Variants in GPBP1 observed in about 807,000 individuals in gnomAD.
GPBP1 encodes GC-rich promoter binding protein 1.
Under a neutral mutation model 56.5 loss-of-function variants are expected in GPBP1, and 13 were observed. The observed-to-expected ratio is 0.23, with a 90% CI of 0.15 to 0.37. GPBP1 has a LOEUF of 0.37. GPBP1 is among the 10% of genes least tolerant of loss of function. The probability of loss-of-function intolerance (pLI) is 1.00; values close to 1 mark genes in which losing one functional copy is unlikely to be tolerated. For synonymous variants in GPBP1, 204 were observed against 188.9 expected (o/e 1.08, Z -0.66); for missense variants, 477 against 572.3 (o/e 0.83, Z 1.70).
chr5:57,230,755 AT>A, intron 3 of GPBP1, 90 bp from the exon 4 acceptor site: 1 of 1,112,984 alleles, frequency 9.0e-7, no homozygotes, highest in Non-Finnish European at 1.3e-6. Context: ...ATCATTTAAA[AT>A]TTTTGGAAAT....
At chr5:57,245,343 A>G (rs1580068966) in intron 6 of GPBP1, 2 of 152,298 alleles carry the variant, frequency 1.3e-5, no homozygotes, top group South Asian at 2.1e-4. Context: ...GAATCCTCCC[A>G]TGAACTGGAG....
intron 5 of GPBP1, among the ~76,000 whole-genome samples, chr5:57,232,026 GGGT>G (rs1283445154): frequency 2.0e-5 from 3 of 152,068 alleles, no homozygotes; most frequent in African/African-American, 7.2e-5. Flanking sequence ...TCAGGGTGGG[GGGT>G]GGTGGTGGAA....
rs543462522 is a variant in GPBP1, at chr5:57,206,253, T to C, written c.-57-7821T>C. Among the ~76,000 whole-genome samples the C allele has an allele frequency of 2.0e-5, 3 of 152,316 alleles. No individual in the cohort carries two copies. In the South Asian group the frequency reaches 6.2e-4, roughly 32 times the overall value. On this transcript the variant is annotated intron_variant, in intron 2 of 11. Transcript: ENST00000506184. ...TCATGAAGTTCAGTTTTTGTTTTCTTTTTTTAATTGTTACTCTTGGTTTTG... is the reference window on the plus strand; with the variant it reads ...TCATGAAGTTCAGTTTTTGTTTTCTCTTTTTAATTGTTACTCTTGGTTTTG...
At chr5:57,219,391 A>C (rs1027055895) in intron 3 of GPBP1, among the ~76,000 whole-genome samples, 7 of 64,398 alleles carry the variant, frequency 1.1e-4, no homozygotes, top group African/African-American at 2.3e-4. Flanking sequence ...AAAAAAAAAA[A>C]AAAAAAAAAA....
intron 11 of GPBP1, 69 bp from the exon 12 acceptor site, chr5:57,262,525 G>A: frequency 8.5e-7 from 1 of 1,173,416 alleles, no homozygotes; most frequent in Non-Finnish European, 1.2e-6. Flanking sequence ...TTATATTCAT[G>A]CTTATATTAT....
intron 10 of GPBP1, among the ~76,000 whole-genome samples, chr5:57,255,860 G>A (rs879362837): frequency 6.6e-6 from 1 of 152,156 alleles, no homozygotes; most frequent in Non-Finnish European, 1.5e-5. Context: ...GAAGACTTGT[G>A]GAAGAGAGAC....
At chr5:57,200,368 T>C (rs1262004285) in intron 2 of GPBP1, among the ~76,000 whole-genome samples, 2 of 138,542 alleles carry the variant, frequency 1.4e-5, no homozygotes, top group Non-Finnish European at 3.1e-5. Context: ...GAATTTTTTT[T>C]TTTTTTTTTT....
intron 3 of GPBP1, among the ~76,000 whole-genome samples, chr5:57,219,107 G>C (rs1755817633): frequency 6.6e-6 from 1 of 152,032 alleles, no homozygotes; most frequent in Admixed American, 6.6e-5. Flanking sequence ...CGGGCGTGGT[G>C]ACTCACGTCT....
At chr5:57,178,641 C>T (rs1186002294) in intron 2 of GPBP1, among the ~76,000 whole-genome samples, 1 of 152,202 alleles carries the variant, frequency 6.6e-6, no homozygotes, top group Non-Finnish European at 1.5e-5. Flanking sequence ...TAGCAATTAA[C>T]TTTAATCTGT....
At chr5:57,224,695 G>A (rs986228326) in intron 3 of GPBP1, among the ~76,000 whole-genome samples, 2 of 152,088 alleles carry the variant, frequency 1.3e-5, no homozygotes, top group Admixed American at 6.6e-5. Flanking sequence ...GATTATAGGC[G>A]TGAGCCACTG....
intron 3 of GPBP1, among the ~76,000 whole-genome samples, chr5:57,216,676 ACT>A (rs894248003): frequency 2.0e-5 from 3 of 152,106 alleles, no homozygotes; most frequent in African/African-American, 2.4e-5. Flanking sequence ...AAGGAGTGAG[ACT>A]CTGTCTCAAA....
intron 2 of GPBP1, among the ~76,000 whole-genome samples, chr5:57,207,109 A>G (rs1419850609): frequency 6.6e-6 from 1 of 152,130 alleles, no homozygotes; most frequent in Non-Finnish European, 1.5e-5. Context: ...GTCTCGAAAA[A>G]TAATCAAAAT....
At chr5:57,177,900 C>T (rs1753864147) in intron 2 of GPBP1, among the ~76,000 whole-genome samples, 1 of 151,828 alleles carries the variant, frequency 6.6e-6, no homozygotes, top group South Asian at 2.1e-4. Context: ...ACTGTTGAAT[C>T]CTGCTAGCTC....
In GPBP1 at chr5:57,202,616, T is replaced by G. The variant is rs375451050; in HGVS notation, c.-57-11458T>G. On this transcript the variant is annotated intron_variant, in intron 2 of 11. Coordinates refer to ENST00000506184, the MANE Select transcript of GPBP1 (RefSeq NM_022913.4). ...ATTTTTTTTTTAAAAAGCTTATCTA[T>G]CATTTGAACCCTCGAAGTGATGACA... Among the ~76,000 whole-genome samples, 21 of 152,160 alleles carry G rather than the reference T, an allele frequency of 1.4e-4. 1 individual carries two copies. The highest frequency in any genetic ancestry group is 5.1e-4 in the African/African-American group (21 of 41,502).
chr5:57,187,003 AGTGTGTGTGTGTGTGTGT>A (rs66642664), intron 2 of GPBP1, among the ~76,000 whole-genome samples: 348 of 146,784 alleles, frequency 2.4e-3, no homozygotes, highest in African/African-American at 8.3e-3. Context: ...GACTCAGAGA[AGTGTGTGTGTGTGTGTGT>A]GTGTGTGTGT....
chr5:57,193,922 C>G (rs1754638155), intron 2 of GPBP1, among the ~76,000 whole-genome samples: 1 of 151,846 alleles, frequency 6.6e-6, no homozygotes, highest in African/African-American at 2.4e-5. Context: ...AGGAAAGTCA[C>G]CCCTTTAATC....
chr5:57,204,599 C>T (rs831652), intron 2 of GPBP1, among the ~76,000 whole-genome samples: 102,777 of 151,956 alleles, frequency 0.68, 35,397 homozygotes, highest in Middle Eastern at 0.76. Flanking sequence ...CCTGACACTT[C>T]TGAAAATTTT....
intron 2 of GPBP1, among the ~76,000 whole-genome samples, chr5:57,182,000 C>T (rs1279816076): frequency 6.6e-6 from 1 of 151,944 alleles, no homozygotes; most frequent in African/African-American, 2.4e-5. Flanking sequence ...CAAGATATGT[C>T]ATTTAGTTTC....
At chr5:57,261,890 G>A (rs996856526) in intron 11 of GPBP1, among the ~76,000 whole-genome samples, 1 of 152,024 alleles carries the variant, frequency 6.6e-6, no homozygotes, top group Non-Finnish European at 1.5e-5. Context: ...TCGATTATTT[G>A]TTTATTTAAA....
Sources: gnomAD v4.1 joint callset for allele counts (sites outside exome capture counted in the v4.1 genomes callset) on GRCh38, gnomAD v4.1.1 for gene constraint, MANE v1.5 for transcripts, NCBI Gene and HGNC (gene_info 2026-07-23, HGNC 2026-07-21) for gene names.